The following GRM5 variants were observed in gnomAD, a reference collection of about 807,000 sequenced individuals.
GRM5 encodes the protein metabotropic glutamate receptor 5.
Under a neutral mutation model 83.1 loss-of-function variants are expected in GRM5, and 19 were observed. The ratio of observed to expected loss-of-function variants is 0.23; its 90% confidence interval spans 0.16 to 0.34. The LOEUF (loss-of-function observed/expected upper bound fraction) is 0.34. Among genes scored for constraint, GRM5 ranks in the 10% least tolerant of loss-of-function variants. The pLI, the probability that GRM5 is intolerant of heterozygous loss-of-function variation, is 1.00. For missense variants in GRM5, 1,160 were observed against 1,588.3 expected, an observed-to-expected ratio of 0.73 and a Z score of 4.58; for synonymous variants, 675 against 633.6, an observed-to-expected ratio of 1.07 and a Z score of -0.98.
At position 88,685,046 on chromosome 11, in the gene GRM5, CAA is replaced by C. The variant is rs573980237; in HGVS notation, c.912-31645_912-31644del. 5.1e-3 allele frequency among the ~76,000 whole-genome samples: 773 copies of C among 152,214 alleles called. 3 individuals are homozygous for C. Among genetic ancestry groups the C allele is most frequent in the Non-Finnish European group, 9.2e-3 (624 of 68,010 alleles). On this transcript the variant is annotated intron_variant, in intron 3 of 9. Coordinates refer to ENST00000305447, the MANE Select transcript of GRM5 (RefSeq NM_001143831.3). The stretch of plus-strand genomic sequence containing the variant: ...AGCAGCTTTGGAACTGGGTAACAGG[CAA>C]AAGTTCGAACAGTTTGGAGGGCTCA...
intron 8 of GRM5, among the ~76,000 whole-genome samples, chr11:88,546,049 A>G (rs1724045488): frequency 6.6e-6 from 1 of 151,876 alleles, no homozygotes; most frequent in Non-Finnish European, 1.5e-5. Context: ...TTCCTGCCTT[A>G]AGATCTTTTT....
rs1345820665 is a variant in GRM5, at chr11:88,998,131, AG to A, written c.661+49080del. ...GTAAAGAAGGAAGGAAGGAAGGAAG[AG>A]GGGGAGGGAGGGAGAAACTACCTTG... On this transcript the variant is annotated intron_variant, in intron 2 of 9. Coordinates refer to ENST00000305447, the MANE Select transcript of GRM5 (RefSeq NM_001143831.3). Among the ~76,000 whole-genome samples the A allele has an allele frequency of 3.5e-5, 5 of 144,726 alleles. No individual in the cohort carries two copies. In the Admixed American group the frequency reaches 3.5e-4, roughly 10 times the overall value. The allele number at this position is 144,726 out of a possible 152,430, so 94.9% of individuals were successfully genotyped here. A position where few individuals can be genotyped will look rare whatever the true frequency, so the allele number is the denominator to read the frequency against.
chr11:88,704,860 T>C (rs1941118016), intron 3 of GRM5, among the ~76,000 whole-genome samples: 1 of 152,088 alleles, frequency 6.6e-6, no homozygotes. Flanking sequence ...GTTTTTCCTA[T>C]GATAATTAGC....
At chr11:88,749,056 A>G (rs1942205914) in intron 3 of GRM5, among the ~76,000 whole-genome samples, 1 of 152,210 alleles carries the variant, frequency 6.6e-6, no homozygotes, top group Non-Finnish European at 1.5e-5. Context: ...AATGACTACA[A>G]CACCTCTCGA....
intron 2 of GRM5, among the ~76,000 whole-genome samples, chr11:88,994,448 TATATATA>T (rs1565326507): frequency 7.0e-4 from 12 of 17,172 alleles, no homozygotes; most frequent in East Asian, 5.2e-3. Context: ...TAACTGATTA[TATATATA>T]TATATATATA....
intron 3 of GRM5, among the ~76,000 whole-genome samples, chr11:88,823,072 A>C (rs1215656334): frequency 6.6e-6 from 1 of 151,756 alleles, no homozygotes; most frequent in Non-Finnish European, 1.5e-5. Flanking sequence ...ATCCCAGAGC[A>C]GTTCTCCAGT....
chr11:88,857,959 T>C (rs1183384531), intron 2 of GRM5, among the ~76,000 whole-genome samples: 1 of 152,082 alleles, frequency 6.6e-6, no homozygotes, highest in Non-Finnish European at 1.5e-5. Flanking sequence ...AAAGTTATCA[T>C]TATCATGCAC....
chr11:88,680,383 C>T (rs1940448850), intron 3 of GRM5, among the ~76,000 whole-genome samples: 1 of 152,144 alleles, frequency 6.6e-6, no homozygotes, highest in Non-Finnish European at 1.5e-5. Flanking sequence ...TGGTTTCCAG[C>T]TTCATCCATG....
chr11:88,837,797 T>TA lies in GRM5; in HGVS notation c.911+12108dup, dbSNP rs1443746217. On this transcript the variant is annotated intron_variant, in intron 3 of 9. Transcript: ENST00000305447. ...CAGAGTTGCCTTTAAAGACATAAGTTACGTCGGCCGGGCGCGGTGGCTCAC... is the reference window on the plus strand; with the variant it reads ...CAGAGTTGCCTTTAAAGACATAAGTTAACGTCGGCCGGGCGCGGTGGCTCAC... 3.9e-5 allele frequency among the ~76,000 whole-genome samples: 6 copies of TA among 152,232 alleles called. No homozygotes were observed. In the East Asian group the frequency reaches 1.2e-3, roughly 29 times the overall value.
intron 7 of GRM5, among the ~76,000 whole-genome samples, chr11:88,570,561 A>ATATATATATATATATG (rs1465817776): frequency 4.1e-5 from 3 of 72,336 alleles, no homozygotes; most frequent in African/African-American, 3.1e-4. Context: ...ATATATATAT[A>ATATATATATATATATG]TATATATATA....
intron 4 of GRM5, among the ~76,000 whole-genome samples, chr11:88,638,140 C>A (rs999580804): frequency 1.6e-5 from 2 of 122,118 alleles, no homozygotes; most frequent in African/African-American, 6.5e-5. Flanking sequence ...GAACATCACA[C>A]TCTGGGGACT....
In GRM5 at chr11:88,542,925, A is replaced by T. The variant is rs142433784; in HGVS notation, c.2631-17521T>A. Among the ~76,000 whole-genome samples, 551 of 152,196 alleles carry T rather than the reference A, an allele frequency of 3.6e-3. 6 individuals are homozygous for T. The highest frequency in any genetic ancestry group is 0.012 in the African/African-American group (494 of 41,506). On this transcript the variant is annotated intron_variant, in intron 8 of 9. Transcript: ENST00000305447. ...CTCTACTAAAAATACAAAATTAGCTAGGTATGGTGGCACATACCTGTAATC... is the reference window on the plus strand; with the variant it reads ...CTCTACTAAAAATACAAAATTAGCTTGGTATGGTGGCACATACCTGTAATC...
At chr11:88,916,885 T>C (rs1945604039) in intron 2 of GRM5, among the ~76,000 whole-genome samples, 1 of 152,162 alleles carries the variant, frequency 6.6e-6, no homozygotes, top group African/African-American at 2.4e-5. Flanking sequence ...ATGACATTTC[T>C]AGACTCACCC....
intron 4 of GRM5, among the ~76,000 whole-genome samples, chr11:88,617,538 A>G (rs7103716): frequency 0.043 from 6,615 of 152,260 alleles, 287 homozygotes; most frequent in African/African-American, 0.11. Context: ...ATGACACCCT[A>G]CAAATCAGAG....
intron 2 of GRM5, among the ~76,000 whole-genome samples, chr11:88,881,423 GC>G (rs1443647838): frequency 1.5e-5 from 2 of 136,378 alleles, no homozygotes; most frequent in Non-Finnish European, 3.4e-5. Flanking sequence ...TTGGCAGAGG[GC>G]AAAAGATAAA....
intron 2 of GRM5, among the ~76,000 whole-genome samples, chr11:88,892,156 CTTTTT>C (rs34754677): frequency 7.1e-6 from 1 of 140,916 alleles, no homozygotes; most frequent in African/African-American, 2.7e-5. Flanking sequence ...CACAAGAAGT[CTTTTT>C]TTTTTTTTTT....
At chr11:88,721,567 T>A (rs950413201) in intron 3 of GRM5, among the ~76,000 whole-genome samples, 10 of 152,236 alleles carry the variant, frequency 6.6e-5, no homozygotes, top group African/African-American at 2.2e-4. Flanking sequence ...ACTGTTAATA[T>A]AAATGTTAAT....
chr11:88,820,351 G>C (rs1479240000), intron 3 of GRM5, among the ~76,000 whole-genome samples: 1 of 110,496 alleles, frequency 9.1e-6, no homozygotes, highest in Non-Finnish European at 1.6e-5. Flanking sequence ...CTCCAGCCTG[G>C]GCAACAGAGC....
At chr11:88,937,420 C>T (rs1937938415) in intron 2 of GRM5, among the ~76,000 whole-genome samples, 1 of 151,638 alleles carries the variant, frequency 6.6e-6, no homozygotes, top group Admixed American at 6.6e-5. Flanking sequence ...TGACAGATTT[C>T]TCATTTTCTA....
Sources: gnomAD v4.1 joint callset for allele counts (sites outside exome capture counted in the v4.1 genomes callset) on GRCh38, gnomAD v4.1.1 for gene constraint, MANE v1.5 for transcripts, NCBI Gene and HGNC (gene_info 2026-07-23, HGNC 2026-07-21) for gene names.